Variants in TMEM44 observed in about 807,000 individuals in gnomAD.
TMEM44 encodes transmembrane protein 44.
In TMEM44, 43 loss-of-function variants were observed where a neutral mutation model predicts 47.8. The observed-to-expected ratio is 0.90, with a 90% CI of 0.70 to 1.16. The LOEUF is 1.16. TMEM44 is among the 50% of genes most tolerant of loss of function. The pLI, the probability that TMEM44 is intolerant of heterozygous loss-of-function variation, is 0.00. For missense variants in TMEM44, 568 were observed against 555.2 expected (o/e 1.02, Z -0.23); for synonymous variants, 277 against 238.8 (o/e 1.16, Z -1.48).
At chr3:194,610,784 C>G in intron 8 of TMEM44, 132 bp downstream of exon 8, 1 of 767,336 alleles carries the variant, frequency 1.3e-6, no homozygotes, top group South Asian at 1.7e-5. Flanking sequence ...CCTTGGACAG[C>G]TCCTTCTTTT....
intron 1 of TMEM44, 148 bp from the exon 2 acceptor site, chr3:194,628,657 G>A: frequency 1.0e-6 from 1 of 969,928 alleles, no homozygotes; most frequent in Non-Finnish European, 1.4e-6. Flanking sequence ...TGAGTTTACA[G>A]ATGGGAACCA....
Position 194,611,111 on chromosome 3 carries a change from CCCCGTGGTAT to C in TMEM44, c.913-101_913-92del. 1 of 1,004,050 alleles carries C rather than the reference CCCCGTGGTAT, an allele frequency of 1.0e-6. No individual in the cohort carries two copies. Among genetic ancestry groups the C allele is most frequent in the African/African-American group, 1.6e-5 (1 of 63,204 alleles). 62.2% of individuals were successfully genotyped at this position (1,004,050 alleles called of 1,614,324 possible). On this transcript the variant is annotated intron_variant, in intron 7 of 9. Transcript: ENST00000347147. The surrounding 1 kb of genome is among the most constrained non-coding windows in gnomAD (Gnocchi z 4.2). ...AAGGTCACATTTTATTCAAAAGGAC[CCCCGTGGTAT>C]TTTCTCTCTCTCTTTTTTAACGGCA...
intron 2 of TMEM44, 105 bp from the exon 3 acceptor site, chr3:194,626,095 T>A: frequency 1.2e-6 from 1 of 824,866 alleles, no homozygotes; most frequent in Non-Finnish European, 2.0e-6. Context: ...ACTGATGCGG[T>A]GCTTTCTTAC....
chr3:194,604,328 C>A lies in TMEM44; in HGVS notation c.1135G>T (p.Gly379Cys). The A allele has an allele frequency of 6.3e-7, 1 of 1,579,542 alleles. No homozygotes were observed. The highest frequency in any genetic ancestry group is 8.6e-7 in the Non-Finnish European group (1 of 1,163,292). ...ATGGAGGAGACCTCAGAGGAGCTGC[C>A]GGAAGACACCCGGGCCCGGATGACC... ...VQVIRARVSS[G>C]SSSEVSSINS... Residue 379 changes from glycine to cysteine, a missense_variant, in exon 9 of 10, where the codon GGC (glycine) becomes TGC (cysteine). Physicochemically the swap from Gly to Cys is radical, Grantham distance 159 (BLOSUM62 -3). Coordinates refer to ENST00000347147, the MANE Select transcript of TMEM44 (RefSeq NM_001011655.3).
intron 6 of TMEM44, 25 bp downstream of exon 6, chr3:194,617,074 A>T: frequency 6.8e-7 from 1 of 1,460,612 alleles, no homozygotes; most frequent in Non-Finnish European, 9.1e-7. Context: ...GCAAGCAGGG[A>T]GCTCCCCAGG....
intron 9 of TMEM44, among the ~76,000 whole-genome samples, chr3:194,603,792 T>C (rs1397940139): frequency 6.6e-6 from 1 of 152,190 alleles, no homozygotes; most frequent in Non-Finnish European, 1.5e-5. Flanking sequence ...CTGCGACTAA[T>C]GTGACCGTGG....
chr3:194,612,925 T>C (rs1313280163), intron 7 of TMEM44, among the ~76,000 whole-genome samples: 3 of 152,214 alleles, frequency 2.0e-5, no homozygotes, highest in Admixed American at 1.3e-4. Flanking sequence ...GTGCTGGGAC[T>C]ACAGGCCTGA....
intron 8 of TMEM44, among the ~76,000 whole-genome samples, chr3:194,605,154 A>G (rs1263027978): frequency 8.4e-6 from 1 of 118,778 alleles, no homozygotes; most frequent in East Asian, 4.8e-4. Context: ...GTATGTATCT[A>G]TCTATGTATC....
At chr3:194,620,805 T>A (rs1716445358) in intron 5 of TMEM44, among the ~76,000 whole-genome samples, 1 of 151,738 alleles carries the variant, frequency 6.6e-6, no homozygotes, top group East Asian at 1.9e-4. Flanking sequence ...GGCGGGCAGA[T>A]CACTTGAGGT....
Position 194,633,299 on chromosome 3 carries a change from G to T in TMEM44, c.-84C>A. The T allele has an allele frequency of 3.0e-6, 2 of 664,548 alleles. No individual in the cohort carries two copies. The highest frequency in any genetic ancestry group is 3.8e-6 in the Non-Finnish European group (2 of 529,940). 41.2% of individuals were successfully genotyped at this position (664,548 alleles called of 1,614,324 possible). A position where few individuals can be genotyped will look rare whatever the true frequency, so the allele number is the denominator to read the frequency against. The stretch of plus-strand genomic sequence containing the variant: ...GGCAAGCCCCGAGCGCCGCCGCCCC[G>T]CGTGCCCTTCTCTGGGTTCCGTTCC... On this transcript the variant is annotated 5_prime_UTR_variant, in exon 1 of 10. Coordinates refer to ENST00000347147, the MANE Select transcript of TMEM44 (RefSeq NM_001011655.3).
rs1203924676 is a variant in TMEM44 at position 194,623,327 on chromosome 3, G to A, written c.526-17C>T. On this transcript the variant is annotated splice_polypyrimidine_tract_variant and intron_variant, in intron 4 of 9. Transcript: ENST00000347147. The stretch of plus-strand genomic sequence containing the variant: ...AGTATTTTCCTGCAAGAACGAACAG[G>A]TGATCCACCATCAGTACTCTGCAGA... 6.3e-7 allele frequency: 1 copy of A among 1,593,940 alleles called. No homozygotes were observed. Among genetic ancestry groups the A allele is most frequent in the South Asian group, 1.1e-5 (1 of 88,166 alleles).
At chr3:194,594,987 T>C (rs1713230635) in intron 9 of TMEM44, among the ~76,000 whole-genome samples, 1 of 152,188 alleles carries the variant, frequency 6.6e-6, no homozygotes. Flanking sequence ...AACTGAGGTC[T>C]CTCCTCAACC....
chr3:194,617,111 TGCCGCACG>T lies in TMEM44; in HGVS notation c.763_770del (p.Arg255ThrfsTer31), dbSNP rs773356102. On this transcript the variant is annotated frameshift_variant, in exon 6 of 10. Transcript: ENST00000347147. LOFTEE classifies it high-confidence loss of function. Reference sequence around the variant, plus strand: ...CTGGGGTGGATACAGCGAGGTCCAGTGCCGCACGGCCGAGGGAGGTCAGGAACCAGGGT... The same window carrying T: ...CTGGGGTGGATACAGCGAGGTCCAGTGCCGAGGGAGGTCAGGAACCAGGGT... The T allele has an allele frequency of 6.5e-7, 1 of 1,546,688 alleles. No homozygotes were observed. The highest frequency in any genetic ancestry group is 1.4e-5 in the African/African-American group (1 of 73,212).
intron 9 of TMEM44, among the ~76,000 whole-genome samples, 193 bp downstream of exon 9, chr3:194,604,094 T>C (rs1714479276): frequency 6.6e-6 from 1 of 152,212 alleles, no homozygotes; most frequent in African/African-American, 2.4e-5. Flanking sequence ...CCTCAGGTGA[T>C]CCACCTGCCT....
At chr3:194,594,894 G>T (rs2109151840) in intron 9 of TMEM44, among the ~76,000 whole-genome samples, 1 of 152,228 alleles carries the variant, frequency 6.6e-6, no homozygotes, top group South Asian at 2.1e-4. Flanking sequence ...GCCCTCTAGT[G>T]GGAATAGTCA....
At chr3:194,619,212 A>C (rs1235174772) in intron 5 of TMEM44, among the ~76,000 whole-genome samples, 5 of 152,310 alleles carry the variant, frequency 3.3e-5, no homozygotes, top group Non-Finnish European at 5.9e-5. Context: ...GACAGCGCCC[A>C]CTGTCCTCCA....
chr3:194,622,148 G>C (rs979525310), intron 5 of TMEM44, among the ~76,000 whole-genome samples: 1 of 152,248 alleles, frequency 6.6e-6, no homozygotes, highest in African/African-American at 2.4e-5. Flanking sequence ...CACGTCCACA[G>C]TGTCTTGCTG....
intron 7 of TMEM44, among the ~76,000 whole-genome samples, chr3:194,612,121 A>C (rs1715390500): frequency 6.6e-6 from 1 of 152,144 alleles, no homozygotes; most frequent in South Asian, 2.1e-4. Context: ...GGAGCCCCCA[A>C]ATCTGCATTT....
intron 7 of TMEM44, among the ~76,000 whole-genome samples, chr3:194,612,911 C>T (rs950160517): frequency 1.3e-5 from 2 of 152,182 alleles, no homozygotes; most frequent in Non-Finnish European, 2.9e-5. Context: ...CTCTGCCTCC[C>T]AAAGTGCTGG....
Sources: allele counts gnomAD v4.1 joint callset (sites outside exome capture counted in the v4.1 genomes callset), GRCh38; gene constraint gnomAD v4.1.1; non-coding constraint Gnocchi (gnomAD v3.1); transcripts MANE v1.5; gene names NCBI Gene and HGNC (gene_info 2026-07-23, HGNC 2026-07-21).